The following PCLO variants were observed in gnomAD, a reference collection of about 807,000 sequenced individuals.
PCLO encodes protein piccolo.
PCLO carries 82 observed loss-of-function variants against 427.5 expected under a neutral mutation model. The ratio of observed to expected loss-of-function variants is 0.19; its 90% CI spans 0.16 to 0.23. The LOEUF (loss-of-function observed/expected upper bound fraction) is 0.23, where lower values mean the gene tolerates loss of function less well. Among genes scored for constraint, PCLO ranks in the 10% least tolerant of loss-of-function variants. The probability of loss-of-function intolerance (pLI) is 1.00; values close to 1 mark genes in which losing one functional copy is unlikely to be tolerated. For synonymous variants in PCLO, 2,357 were observed against 2,155.4 expected (o/e 1.09, Z -2.59); for missense variants, 6,239 against 6,115.9 (o/e 1.02, Z -0.67).
intron 2 of PCLO, among the ~76,000 whole-genome samples, chr7:83,149,974 T>C (rs1344613885): frequency 6.6e-6 from 1 of 152,168 alleles, no homozygotes; most frequent in African/African-American, 2.4e-5. Context: ...AAAAGACTTA[T>C]ATATGTGCCA....
chr7:82,879,040 C>T (rs1290599460), intron 10 of PCLO, among the ~76,000 whole-genome samples: 2 of 152,032 alleles, frequency 1.3e-5, no homozygotes, highest in Admixed American at 1.3e-4. Flanking sequence ...AACATTATCA[C>T]AGATAACTAA....
At chr7:82,969,863 A>G (rs2115691205) in intron 3 of PCLO, among the ~76,000 whole-genome samples, 1 of 152,258 alleles carries the variant, frequency 6.6e-6, no homozygotes, top group Middle Eastern at 3.4e-3. Context: ...TTCTAGTTAG[A>G]TATTTTCCAA....
intron 3 of PCLO, among the ~76,000 whole-genome samples, chr7:83,114,420 A>G (rs1229438657): frequency 6.6e-6 from 1 of 152,162 alleles, no homozygotes; most frequent in East Asian, 1.9e-4. Context: ...GAACGTGCAG[A>G]GGATGAAGAA....
intron 9 of PCLO, among the ~76,000 whole-genome samples, chr7:82,882,452 G>T (rs531887936): frequency 6.6e-6 from 1 of 152,202 alleles, no homozygotes; most frequent in East Asian, 1.9e-4. Flanking sequence ...CAGATGCCAT[G>T]AAAATGGTCT....
intron 3 of PCLO, among the ~76,000 whole-genome samples, chr7:82,982,388 C>T (rs1046484002): frequency 1.7e-4 from 26 of 152,014 alleles, no homozygotes; most frequent in Non-Finnish European, 3.4e-4. Context: ...CAGTGTTAAC[C>T]AGTCAAAGCA....
intron 22 of PCLO, among the ~76,000 whole-genome samples, chr7:82,797,691 A>ATT (rs748721223): frequency 3.3e-4 from 50 of 152,170 alleles, no homozygotes; most frequent in South Asian, 8.3e-4. Context: ...ACTTAATTAA[A>ATT]TTGTGGAAAT....
intron 6 of PCLO, among the ~76,000 whole-genome samples, chr7:82,930,368 G>A (rs1794813675): frequency 6.6e-6 from 1 of 152,098 alleles, no homozygotes; most frequent in Non-Finnish European, 1.5e-5. Context: ...TGAATGTCAT[G>A]CAAATTTTAG....
Position 82,758,485 on chromosome 7 carries a change from C to T in PCLO, c.*90G>A. 8.9e-7 allele frequency: 1 copy of T among 1,123,426 alleles called. No individual in the cohort carries two copies. The highest frequency in any genetic ancestry group is 1.2e-6 in the Non-Finnish European group (1 of 809,988). The allele number at this position is 1,123,426 out of a possible 1,614,324, so 69.6% of individuals were successfully genotyped here. ...TGTTCCCACTCTTATGTTTGCCTCT[C>T]AAAACTTAGCTTTGTACAATAGTAT... On this transcript the variant is annotated 3_prime_UTR_variant, in exon 25 of 25. Coordinates refer to ENST00000333891, the MANE Select transcript of PCLO (RefSeq NM_033026.6).
intron 3 of PCLO, among the ~76,000 whole-genome samples, chr7:83,034,284 G>C (rs1208375512): frequency 6.6e-6 from 1 of 152,086 alleles, no homozygotes; most frequent in Non-Finnish European, 1.5e-5. Flanking sequence ...TGCCTCCCAG[G>C]TTCAAGAAAT....
chr7:82,890,179 T>C (rs769256748), intron 9 of PCLO, among the ~76,000 whole-genome samples: 2 of 152,052 alleles, frequency 1.3e-5, no homozygotes, highest in Non-Finnish European at 2.9e-5. Flanking sequence ...TTGAGATCTC[T>C]AGCTATAAAG....
At chr7:82,813,246 T>C (rs1177546615) in intron 20 of PCLO, among the ~76,000 whole-genome samples, 1 of 151,678 alleles carries the variant, frequency 6.6e-6, no homozygotes, top group Non-Finnish European at 1.5e-5. Context: ...AGACCTAACC[T>C]CTCTAGCTAA....
chr7:83,152,233 G>A (rs1467528892), intron 2 of PCLO, among the ~76,000 whole-genome samples: 1 of 151,982 alleles, frequency 6.6e-6, no homozygotes. Flanking sequence ...CAAAGTGCTG[G>A]GATTACAGGC....
intron 3 of PCLO, among the ~76,000 whole-genome samples, chr7:83,068,098 T>G (rs1157279093): frequency 6.6e-6 from 1 of 152,260 alleles, no homozygotes; most frequent in East Asian, 1.9e-4. Flanking sequence ...AAACTGAAAT[T>G]TAGCTGTTCC....
In PCLO at chr7:82,845,341, G is replaced by C. The variant is rs1255497433; in HGVS notation, c.13976C>G (p.Ser4659Cys). The change falls in exon 13 of 25, where the codon TCC becomes TGC. Residue 4659 changes from serine to cysteine, a missense_variant. By Grantham distance (112) the Ser-to-Cys change is moderately radical. Around this residue, in one of 5 missense-constraint regions of PCLO, gnomAD observed 877 missense variants for 925.5 expected, o/e 0.95. Coordinates refer to ENST00000333891, the MANE Select transcript of PCLO (RefSeq NM_033026.6). ...TTGCCCAGGGCTGGGAACGGAACTG[G>C]ATCCTGCTGATGTAGGACCTGAATG... is the stretch of plus-strand genomic sequence containing the variant. ...HVHSGPTSAG[S>C]SSVPSPGQPG... The C allele has an allele frequency of 2.5e-6, 4 of 1,613,492 alleles. No homozygotes were observed. The highest frequency in any genetic ancestry group is 3.4e-6 in the Non-Finnish European group (4 of 1,179,648).
chr7:82,997,587 A>T (rs1787660706), intron 3 of PCLO, among the ~76,000 whole-genome samples: 1 of 151,944 alleles, frequency 6.6e-6, no homozygotes, highest in Admixed American at 6.6e-5. Flanking sequence ...AGTTGCATAA[A>T]CAAAAATTTT....
chr7:83,038,065 T>TAATATATATTTTTATATA (rs1788866864), intron 3 of PCLO, among the ~76,000 whole-genome samples: 1 of 31,558 alleles, frequency 3.2e-5, no homozygotes, highest in African/African-American at 1.4e-4. Flanking sequence ...ATATATATAT[T>TAATATATATTTTTATATA]TATATATTTA....
Position 82,758,465 on chromosome 7 carries a change from C to T in PCLO, c.*110G>A. Reference sequence around the variant, plus strand: ...TTAAGTATGTTTTTGCTTGTTGTTCCCACTCTTATGTTTGCCTCTCAAAAC... The same window carrying T: ...TTAAGTATGTTTTTGCTTGTTGTTCTCACTCTTATGTTTGCCTCTCAAAAC... On this transcript the variant is annotated 3_prime_UTR_variant, in exon 25 of 25. Coordinates refer to ENST00000333891, the MANE Select transcript of PCLO (RefSeq NM_033026.6). 2 of 799,292 alleles carry T rather than the reference C, an allele frequency of 2.5e-6. No homozygotes were observed. The highest frequency in any genetic ancestry group is 1.8e-5 in the African/African-American group (1 of 56,640). The allele number at this position is 799,292 out of a possible 1,614,324, so 49.5% of individuals were successfully genotyped here.
At chr7:82,940,404 AAC>A (rs1390225809) in intron 6 of PCLO, among the ~76,000 whole-genome samples, 1 of 152,204 alleles carries the variant, frequency 6.6e-6, no homozygotes, top group East Asian at 1.9e-4. Flanking sequence ...CTTTACAATG[AAC>A]ATTAATTAGT....
At chr7:82,859,281 T>C (rs998801511) in intron 10 of PCLO, among the ~76,000 whole-genome samples, 2 of 152,196 alleles carry the variant, frequency 1.3e-5, no homozygotes, top group African/African-American at 4.8e-5. Context: ...GAAGTGGTTA[T>C]AGCAGGCCTT....
Sources: gnomAD v4.1 joint callset for allele counts (sites outside exome capture counted in the v4.1 genomes callset) on GRCh38, gnomAD v4.1.1 for gene constraint, gnomAD v4.1.1 regional missense constraint, MANE v1.5 for transcripts, NCBI Gene and HGNC (gene_info 2026-07-23, HGNC 2026-07-21) for gene names.